The following EPHA5 variants were observed in gnomAD, a reference collection of about 807,000 sequenced individuals.
The protein encoded by EPHA5 is EPH receptor A5.
Under a neutral mutation model 105.0 loss-of-function variants are expected in EPHA5, and 60 were observed. The observed-to-expected ratio is 0.57, with a 90% CI of 0.46 to 0.71. EPHA5 has a LOEUF of 0.71. EPHA5 is among the 30% of genes least tolerant of loss of function. EPHA5 has a pLI of 0.00. For synonymous variants in EPHA5, 513 were observed against 449.1 expected (o/e 1.14, Z -1.80); for missense variants, 1,218 against 1,274.7 (o/e 0.96, Z 0.68).
At chr4:65,644,475 T>G (rs376893880) in intron 1 of EPHA5, among the ~76,000 whole-genome samples, 2 of 152,076 alleles carry the variant, frequency 1.3e-5, no homozygotes, top group East Asian at 3.8e-4. Flanking sequence ...GTAGAGGTAT[T>G]GAGGCTTCCT....
intron 3 of EPHA5, among the ~76,000 whole-genome samples, chr4:65,595,277 C>G (rs568144873): frequency 1.3e-5 from 2 of 152,020 alleles, no homozygotes; most frequent in South Asian, 4.1e-4. Flanking sequence ...GTATATATGT[C>G]CACATTCCTA....
intron 3 of EPHA5, among the ~76,000 whole-genome samples, chr4:65,581,563 T>G (rs1457497829): frequency 6.6e-6 from 1 of 151,774 alleles, no homozygotes; most frequent in Non-Finnish European, 1.5e-5. Flanking sequence ...CTTAACCTAA[T>G]GTTTTTTCAC....
intron 3 of EPHA5, among the ~76,000 whole-genome samples, chr4:65,597,227 A>G (rs1743281250): frequency 1.3e-5 from 2 of 152,196 alleles, no homozygotes; most frequent in South Asian, 2.1e-4. Context: ...TCCATTTGAT[A>G]TAAGTGAAAC....
At chr4:65,378,449 T>G (rs1192236425) in intron 8 of EPHA5, among the ~76,000 whole-genome samples, 1 of 151,948 alleles carries the variant, frequency 6.6e-6, no homozygotes, top group Non-Finnish European at 1.5e-5. Flanking sequence ...TGCATTAATG[T>G]CTCCAACAAT....
Position 65,669,562 on chromosome 4 carries a change from CT to C in EPHA5, c.180del (p.Val61Ter). Reference protein sequence around the residue: ...LRTLLASPSNEVNLLDSRTVM... With the variant: ...LRTLLASPSNXVNLLDSRTVM... ...ACGGTCCCCACCCCCATCTCCCTAC[CT>C]TCGTTGCTGGGGCTGGCCAGGAGGG... On this transcript the variant is annotated frameshift_variant and splice_region_variant, in exon 1 of 17. Transcript: ENST00000613740. LOFTEE classifies it high-confidence loss of function. 1 of 1,398,782 alleles carries C rather than the reference CT, an allele frequency of 7.1e-7. No individual in the cohort carries two copies. Among genetic ancestry groups the C allele is most frequent in the Non-Finnish European group, 9.3e-7 (1 of 1,070,874 alleles). 86.6% of individuals were successfully genotyped at this position (1,398,782 alleles called of 1,614,324 possible).
At position 65,419,859 on chromosome 4, in the gene EPHA5, G is replaced by A. The variant is rs562828358; in HGVS notation, c.1527+582C>T. On this transcript the variant is annotated intron_variant, in intron 6 of 16. Transcript: ENST00000613740. Reference sequence around the variant, plus strand: ...ACCTTGAGACCTCGACAGCTATTACGGTAAAATGTTTAAAAGTGGCTATAA... The same window carrying A: ...ACCTTGAGACCTCGACAGCTATTACAGTAAAATGTTTAAAAGTGGCTATAA... Among the ~76,000 whole-genome samples, 14 of 152,200 alleles carry A rather than the reference G, an allele frequency of 9.2e-5. No individual in the cohort carries two copies. In the South Asian group the frequency reaches 2.7e-3, roughly 29 times the overall value.
chr4:65,371,606 T>A (rs564685932), intron 8 of EPHA5, among the ~76,000 whole-genome samples: 24 of 152,108 alleles, frequency 1.6e-4, no homozygotes, highest in African/African-American at 5.3e-4. Context: ...TGATAATGAA[T>A]TTGGGATATG....
chr4:65,353,280 T>C (rs1395451053), intron 11 of EPHA5, among the ~76,000 whole-genome samples, 177 bp from the exon 12 acceptor site: 1 of 147,092 alleles, frequency 6.8e-6, no homozygotes, highest in Admixed American at 6.8e-5. Context: ...TTTAAATATT[T>C]AAAAATATTT....
At chr4:65,612,016 C>CAAAAAAAAAAA (rs1167342911) in intron 2 of EPHA5, among the ~76,000 whole-genome samples, 1 of 58,104 alleles carries the variant, frequency 1.7e-5, no homozygotes, top group Non-Finnish European at 3.0e-5. Context: ...GACCCTCTCT[C>CAAAAAAAAAAA]AAAAAAAAAA....
intron 3 of EPHA5, among the ~76,000 whole-genome samples, chr4:65,585,759 T>C (rs1217155659): frequency 6.6e-6 from 1 of 151,842 alleles, no homozygotes; most frequent in Admixed American, 6.6e-5. Flanking sequence ...TATAAGTCTA[T>C]GAGCTCTAAG....
chr4:65,428,499 AACCTACAATCACTCCATC>A, intron 5 of EPHA5, among the ~76,000 whole-genome samples: 2 of 152,072 alleles, frequency 1.3e-5, no homozygotes, highest in Admixed American at 6.5e-5. Context: ...CTCAGACAAA[AACCTACAATCACTCCATC>A]TTAAAAGCCT....
intron 3 of EPHA5, among the ~76,000 whole-genome samples, chr4:65,540,334 T>C (rs1736695482): frequency 6.6e-6 from 1 of 151,480 alleles, no homozygotes; most frequent in Non-Finnish European, 1.5e-5. Flanking sequence ...ATATGAACAA[T>C]GAGATCTGAC....
At chr4:65,414,783 T>TC (rs78867272) in intron 6 of EPHA5, among the ~76,000 whole-genome samples, 25,427 of 152,058 alleles carry the variant, frequency 0.17, 2,197 homozygotes, top group Admixed American at 0.2. Flanking sequence ...GTGCTTTTTT[T>TC]CCCTCCAATA....
chr4:65,561,675 T>C (rs1049940889), intron 3 of EPHA5, among the ~76,000 whole-genome samples: 1 of 152,108 alleles, frequency 6.6e-6, no homozygotes, highest in Non-Finnish European at 1.5e-5. Context: ...AATCTTTCAA[T>C]GCCTGGACTC....
In EPHA5 at chr4:65,670,196, AAGC is replaced by A. The variant is rs1750340143; in HGVS notation, c.-457_-455del. On this transcript the variant is annotated 5_prime_UTR_variant, in exon 1 of 17. Transcript: ENST00000613740. ...CCGATTTTTTAAAAAAGGAGGAAAA[AAGC>A]AGGGTGGCTAAGGATAAAGAAAGAG... 4.2e-6 allele frequency: 1 copy of A among 240,208 alleles called. No individual in the cohort carries two copies. The highest frequency in any genetic ancestry group is 8.1e-6 in the Non-Finnish European group (1 of 123,338). The allele number at this position is 240,208 out of a possible 1,614,324, so 14.9% of individuals were successfully genotyped here. A position where few individuals can be genotyped will look rare whatever the true frequency, so the allele number is the denominator to read the frequency against.
At chr4:65,635,179 C>A (rs773222537) in intron 2 of EPHA5, among the ~76,000 whole-genome samples, 7 of 152,020 alleles carry the variant, frequency 4.6e-5, no homozygotes, top group Middle Eastern at 6.8e-3. Flanking sequence ...CAGAACAAAG[C>A]GACAATAAAA....
intron 1 of EPHA5, among the ~76,000 whole-genome samples, chr4:65,667,426 AC>A: frequency 6.6e-6 from 1 of 152,152 alleles, no homozygotes; most frequent in East Asian, 1.9e-4. Context: ...TGTGCCCCAA[AC>A]AGCAGGCTTT....
intron 8 of EPHA5, among the ~76,000 whole-genome samples, chr4:65,397,900 G>A (rs1473430623): frequency 6.6e-6 from 1 of 152,142 alleles, no homozygotes; most frequent in African/African-American, 2.4e-5. Context: ...CTTCAGAGGG[G>A]GGACTGATGG....
intron 3 of EPHA5, among the ~76,000 whole-genome samples, chr4:65,506,015 A>G (rs1238191813): frequency 6.6e-6 from 1 of 151,908 alleles, no homozygotes; most frequent in Non-Finnish European, 1.5e-5. Flanking sequence ...CCCACCCCAT[A>G]ACAGGCCCCA....
Sources: allele counts gnomAD v4.1 joint callset (sites outside exome capture counted in the v4.1 genomes callset), GRCh38; gene constraint gnomAD v4.1.1; transcripts MANE v1.5; gene names NCBI Gene and HGNC (gene_info 2026-07-23, HGNC 2026-07-21).